Variants in GDPD5 observed in about 807,000 individuals in gnomAD.
GDPD5 encodes the protein glycerophosphodiester phosphodiesterase 2.
Under a neutral mutation model 75.1 loss-of-function variants are expected in GDPD5, and 48 were observed. The ratio of observed to expected loss-of-function variants is 0.64; its 90% confidence interval spans 0.51 to 0.81. GDPD5 has a LOEUF of 0.81. Among genes scored for constraint, GDPD5 ranks in the 40% least tolerant of loss-of-function variants. The probability of loss-of-function intolerance (pLI) is 0.00; values close to 1 mark genes in which losing one functional copy is unlikely to be tolerated. For missense variants in GDPD5, 706 were observed against 822.6 expected (o/e 0.86, Z 1.73); for synonymous variants, 336 against 339.0 (o/e 0.99, Z 0.10).
intron 1 of GDPD5, among the ~76,000 whole-genome samples, chr11:75,497,557 C>T (rs538693052): frequency 4.5e-4 from 67 of 147,354 alleles, no homozygotes; most frequent in Non-Finnish European, 8.2e-4. Context: ...CCTCTCTCGG[C>T]GCCTGCAGGT....
In GDPD5 at chr11:75,439,820, T is replaced by C. The variant is rs1438686951; in HGVS notation, c.1556+59A>G. 2.9e-6 allele frequency: 4 copies of C among 1,380,250 alleles called. No individual in the cohort carries two copies. In the African/African-American group the frequency reaches 4.3e-5, roughly 15 times the overall value. 85.5% of individuals were successfully genotyped at this position (1,380,250 alleles called of 1,614,324 possible). On this transcript the variant is annotated intron_variant, in intron 15 of 16. Transcript: ENST00000336898. ...CAGGAGAGGGTTCACCTGGCTGGGG[T>C]GGGGGCTGGGCCTGCTGCAGGGTAG... is the stretch of plus-strand genomic sequence containing the variant.
chr11:75,449,217 G>T (rs1190225256), intron 8 of GDPD5, 95 bp from the exon 9 acceptor site: 1 of 1,420,014 alleles, frequency 7.0e-7, no homozygotes. Context: ...CAGGATCCAG[G>T]TGCTCTAGGG....
In GDPD5 at chr11:75,443,304, C is replaced by T. The variant is rs761002027; in HGVS notation, c.798-18G>A. 17 of 1,596,412 alleles carry T rather than the reference C, an allele frequency of 1.1e-5. No homozygotes were observed. In the Admixed American group the frequency reaches 3.0e-4, roughly 28 times the overall value. On this transcript the variant is annotated intron_variant, in intron 10 of 16. Coordinates refer to ENST00000336898, the MANE Select transcript of GDPD5 (RefSeq NM_030792.8). The stretch of plus-strand genomic sequence containing the variant: ...CGTCCAGGCTGCAGGGAGGGTGGGG[C>T]CACCGAGTCAGTGACCCCCCAGATC...
chr11:75,510,123 C>T (rs960484515), intron 1 of GDPD5, among the ~76,000 whole-genome samples: 4 of 152,212 alleles, frequency 2.6e-5, no homozygotes, highest in East Asian at 1.9e-4. Flanking sequence ...GGAGAAAGCA[C>T]GAGGGGCAAA....
chr11:75,489,524 C>G (rs1950073334), intron 2 of GDPD5, among the ~76,000 whole-genome samples: 1 of 152,226 alleles, frequency 6.6e-6, no homozygotes, highest in African/African-American at 2.4e-5. Flanking sequence ...CATGCTAATT[C>G]CATGATATAA....
intron 9 of GDPD5, among the ~76,000 whole-genome samples, 188 bp from the exon 10 acceptor site, chr11:75,444,683 A>G (rs573739070): frequency 8.2e-4 from 125 of 152,262 alleles, no homozygotes; most frequent in Non-Finnish European, 1.2e-3. Flanking sequence ...CATCTATTAA[A>G]TCATGCCTAC....
At chr11:75,493,227 T>TCACACA (rs780201140) in intron 1 of GDPD5, among the ~76,000 whole-genome samples, 64 of 63,284 alleles carry the variant, frequency 1.0e-3, no homozygotes, top group South Asian at 3.4e-3. Context: ...CCCCCACACA[T>TCACACA]CTCACACACA....
chr11:75,523,159 C>T lies in GDPD5; in HGVS notation c.-145+2051G>A, dbSNP rs557138769. On this transcript the variant is annotated intron_variant, in intron 1 of 16. Transcript: ENST00000336898. ...CTGCATCTTTGTAGCTCATTTAATC[C>T]TCGCAACAACCTGCTAAAGGAGGTA... 8.5e-5 allele frequency among the ~76,000 whole-genome samples: 13 copies of T among 152,302 alleles called. No homozygotes were observed. The East Asian group carries it at 2.3e-3, about 27-fold the overall frequency.
At chr11:75,504,011 C>A (rs1950345521) in intron 1 of GDPD5, among the ~76,000 whole-genome samples, 1 of 152,204 alleles carries the variant, frequency 6.6e-6, no homozygotes, top group African/African-American at 2.4e-5. Context: ...CAAGTTTAAT[C>A]CTGGCATGGC....
intron 2 of GDPD5, chr11:75,479,459 G>C (rs1949855986): frequency 6.6e-6 from 1 of 152,168 alleles, no homozygotes; most frequent in Admixed American, 6.5e-5. Flanking sequence ...TGTTCCAAGT[G>C]CTTTCCATGC....
At chr11:75,496,046 C>T (rs952566538) in intron 1 of GDPD5, among the ~76,000 whole-genome samples, 11 of 152,220 alleles carry the variant, frequency 7.2e-5, no homozygotes, top group Non-Finnish European at 8.8e-5. Flanking sequence ...TGGCCTCTTC[C>T]ACAGACCCTG....
At chr11:75,505,473 C>A (rs1281779298) in intron 1 of GDPD5, among the ~76,000 whole-genome samples, 1 of 152,152 alleles carries the variant, frequency 6.6e-6, no homozygotes, top group African/African-American at 2.4e-5. Context: ...TTGGGCCAGT[C>A]CTTTTCCTTG....
At chr11:75,518,636 A>G (rs2135509135) in intron 1 of GDPD5, among the ~76,000 whole-genome samples, 1 of 152,338 alleles carries the variant, frequency 6.6e-6, no homozygotes, top group South Asian at 2.1e-4. Context: ...TTCTAAGGAA[A>G]GAAGGGATTT....
At chr11:75,441,021 A>G in intron 14 of GDPD5, 142 bp downstream of exon 14, 1 of 787,308 alleles carries the variant, frequency 1.3e-6, no homozygotes, top group South Asian at 1.7e-5. Context: ...TCATGCCTCA[A>G]GCCTGCACGC....
intron 1 of GDPD5, among the ~76,000 whole-genome samples, chr11:75,497,115 G>A (rs1387273357): frequency 6.6e-6 from 1 of 152,056 alleles, no homozygotes; most frequent in Non-Finnish European, 1.5e-5. Flanking sequence ...GGTAAACAGA[G>A]CTCGAGAGGG....
chr11:75,504,365 C>T (rs1335449270), intron 1 of GDPD5, among the ~76,000 whole-genome samples: 1 of 152,216 alleles, frequency 6.6e-6, no homozygotes, highest in African/African-American at 2.4e-5. Context: ...AACCCAGGCC[C>T]ATCCAACTTC....
rs1948601904 is a variant in GDPD5 at position 75,435,514 on chromosome 11, C to G, written c.1811G>C (p.Gly604Ala). The change falls in exon 17 of 17, where the codon GGG becomes GCG. Residue 604 changes from glycine to alanine, a missense_variant. By Grantham distance (60) the Gly-to-Ala change is moderately conservative. Coordinates refer to ENST00000336898, the MANE Select transcript of GDPD5 (RefSeq NM_030792.8). ...GGACAGACATGTCTTCAGCTAACGC[C>G]CACTCCGCTCTATGAGGGTCTTGGT... is the stretch of plus-strand genomic sequence containing the variant. ...SHTKTLIERS[G>A]R 1.2e-6 allele frequency: 2 copies of G among 1,605,140 alleles called. No individual in the cohort carries two copies. Among genetic ancestry groups the G allele is most frequent in the African/African-American group, 2.7e-5 (2 of 74,690 alleles).
chr11:75,514,117 C>G (rs1950590484), intron 1 of GDPD5, among the ~76,000 whole-genome samples: 1 of 152,212 alleles, frequency 6.6e-6, no homozygotes, highest in Non-Finnish European at 1.5e-5. Context: ...AAGGGGAGCA[C>G]CAGGCTCTGT....
At chr11:75,514,484 C>T (rs1458676731) in intron 1 of GDPD5, among the ~76,000 whole-genome samples, 2 of 152,232 alleles carry the variant, frequency 1.3e-5, no homozygotes, top group African/African-American at 2.4e-5. Flanking sequence ...GCTCTCTGCA[C>T]GGGCCCAAAG....
Sources: allele counts gnomAD v4.1 joint callset (sites outside exome capture counted in the v4.1 genomes callset), GRCh38; gene constraint gnomAD v4.1.1; transcripts MANE v1.5; gene names NCBI Gene and HGNC (gene_info 2026-07-23, HGNC 2026-07-21).